The following TBC1D22A variants were observed in gnomAD, a reference collection of about 807,000 sequenced individuals.
TBC1D22A encodes putative GTPase activator.
Under a neutral mutation model 60.2 loss-of-function variants are expected in TBC1D22A, and 38 were observed. That is an observed-to-expected ratio of 0.63 (90% CI 0.49 to 0.83). TBC1D22A has a LOEUF of 0.83. TBC1D22A is among the 40% of genes least tolerant of loss of function. The probability of loss-of-function intolerance (pLI) is 0.00; values close to 1 mark genes in which losing one functional copy is unlikely to be tolerated. For missense variants in TBC1D22A, 628 were observed against 701.0 expected (o/e 0.90, Z 1.18); for synonymous variants, 302 against 281.7 (o/e 1.07, Z -0.72).
At chr22:46,974,606 C>T (rs910846084) in intron 9 of TBC1D22A, among the ~76,000 whole-genome samples, 16 of 152,218 alleles carry the variant, frequency 1.1e-4, no homozygotes, top group East Asian at 3.8e-4. Context: ...GGCACGGTCA[C>T]GTGTCCTGCT....
intron 11 of TBC1D22A, among the ~76,000 whole-genome samples, chr22:47,086,991 C>T (rs181496191): frequency 3.9e-5 from 6 of 152,210 alleles, no homozygotes; most frequent in African/African-American, 7.2e-5. Flanking sequence ...CCTGCCACCC[C>T]GCAACTGGAG....
At chr22:46,930,723 A>G (rs2147888514) in intron 8 of TBC1D22A, among the ~76,000 whole-genome samples, 1 of 151,340 alleles carries the variant, frequency 6.6e-6, no homozygotes, top group Non-Finnish European at 1.5e-5. Context: ...TCGGCCTCCC[A>G]AAGTGCTGGG....
intron 8 of TBC1D22A, among the ~76,000 whole-genome samples, chr22:46,965,297 G>C (rs558811408): frequency 1.3e-5 from 2 of 152,348 alleles, no homozygotes; most frequent in African/African-American, 4.8e-5. Flanking sequence ...TGACCTGTGG[G>C]GGCGGGGTGC....
intron 1 of TBC1D22A, among the ~76,000 whole-genome samples, chr22:46,769,727 G>T (rs2083423481): frequency 6.6e-6 from 1 of 152,178 alleles, no homozygotes; most frequent in South Asian, 2.1e-4. Context: ...CCATGAGAGA[G>T]TGTTGAAGGG....
At chr22:46,854,352 A>G (rs2087455193) in intron 4 of TBC1D22A, among the ~76,000 whole-genome samples, 1 of 152,152 alleles carries the variant, frequency 6.6e-6, no homozygotes. Flanking sequence ...ACACTGCTCC[A>G]CAGTGTCGAC....
chr22:47,131,661 T>C (rs2066682299), intron 12 of TBC1D22A, among the ~76,000 whole-genome samples: 1 of 152,228 alleles, frequency 6.6e-6, no homozygotes, highest in African/African-American at 2.4e-5. Flanking sequence ...AGGCCATTCC[T>C]GCTGACAGTG....
chr22:47,128,698 G>A lies in TBC1D22A; in HGVS notation c.1425+17095G>A, dbSNP rs187935767. ...TACCACTTTCTCTGGGGAAAGAGCA[G>A]CTGGAACCCAAGCCCGGTGGCCCTG... On this transcript the variant is annotated intron_variant, in intron 12 of 12. Coordinates refer to ENST00000337137, the MANE Select transcript of TBC1D22A (RefSeq NM_014346.5). Among the ~76,000 whole-genome samples, 243 of 152,150 alleles carry A rather than the reference G, an allele frequency of 1.6e-3. 1 individual carries two copies. The highest frequency in any genetic ancestry group is 5.3e-3 in the African/African-American group (222 of 41,510).
intron 1 of TBC1D22A, among the ~76,000 whole-genome samples, chr22:46,781,041 T>C (rs2083910830): frequency 6.6e-6 from 1 of 152,136 alleles, no homozygotes; most frequent in Non-Finnish European, 1.5e-5. Flanking sequence ...CTCTTGGGCA[T>C]TTCCCCCTGC....
intron 10 of TBC1D22A, among the ~76,000 whole-genome samples, chr22:47,005,774 A>C (rs1406600857): frequency 6.6e-6 from 1 of 151,330 alleles, no homozygotes; most frequent in Non-Finnish European, 1.5e-5. Context: ...CTACACACAT[A>C]TCCAATATAC....
chr22:46,868,479 A>G (rs558730869), intron 4 of TBC1D22A, among the ~76,000 whole-genome samples: 1 of 152,158 alleles, frequency 6.6e-6, no homozygotes, highest in South Asian at 2.1e-4. Flanking sequence ...CTGGAAAAAA[A>G]CCCAGAATTC....
intron 9 of TBC1D22A, among the ~76,000 whole-genome samples, chr22:46,986,884 C>G (rs2074745449): frequency 6.6e-6 from 1 of 152,164 alleles, no homozygotes. Context: ...ATTTGCGCAC[C>G]ATGATGTCTG....
At chr22:46,854,008 G>A (rs950614895) in intron 4 of TBC1D22A, among the ~76,000 whole-genome samples, 14 of 152,108 alleles carry the variant, frequency 9.2e-5, no homozygotes, top group Non-Finnish European at 1.6e-4. Flanking sequence ...GATTTCCCCC[G>A]CTGTCTCCGA....
At chr22:46,851,090 C>A (rs1017255112) in intron 4 of TBC1D22A, among the ~76,000 whole-genome samples, 1 of 152,102 alleles carries the variant, frequency 6.6e-6, no homozygotes, top group African/African-American at 2.4e-5. Flanking sequence ...CACAGGTCTG[C>A]ATATACTGGA....
At chr22:46,902,845 C>T (rs976610713) in intron 7 of TBC1D22A, among the ~76,000 whole-genome samples, 11 of 152,242 alleles carry the variant, frequency 7.2e-5, no homozygotes, top group Non-Finnish European at 1.5e-4. Flanking sequence ...CTCAGCAGCG[C>T]ACAGTTGAAG....
chr22:46,780,383 C>G (rs893835840), intron 1 of TBC1D22A, among the ~76,000 whole-genome samples: 1 of 152,068 alleles, frequency 6.6e-6, no homozygotes, highest in Non-Finnish European at 1.5e-5. Context: ...TATTTTCTTT[C>G]ACTCTTCCCT....
At chr22:47,004,197 TCATA>T (rs199555608) in intron 10 of TBC1D22A, among the ~76,000 whole-genome samples, 9 of 128,280 alleles carry the variant, frequency 7.0e-5, no homozygotes, top group South Asian at 2.6e-4. Context: ...TATATACTCC[TCATA>T]CATACACACA....
intron 4 of TBC1D22A, among the ~76,000 whole-genome samples, chr22:46,826,229 T>C (rs148766995): frequency 2.0e-5 from 3 of 152,220 alleles, no homozygotes; most frequent in African/African-American, 7.2e-5. Flanking sequence ...TGACTGGATG[T>C]TCTTCTGCAA....
chr22:46,914,150 T>G (rs1317107715), intron 8 of TBC1D22A: 1 of 152,118 alleles, frequency 6.6e-6, no homozygotes, highest in Non-Finnish European at 1.5e-5. Context: ...TATAAAAATG[T>G]TTGGGCCAGG....
chr22:46,912,080 G>C lies in TBC1D22A; in HGVS notation c.907G>C (p.Glu303Gln). ...ILQPKVTEIF[E>Q]RILFIWAIRH... ...CTGTTCCATTTTCTTTCAGATTTTT[G>C]AAAGGATCTTGTTCATATGGGCGAT... is the stretch of plus-strand genomic sequence containing the variant. The change falls in exon 8 of 13, where the codon GAA (glutamate) becomes CAA (glutamine). Residue 303 changes from glutamate to glutamine, a missense_variant. Physicochemically the swap from Glu to Gln is conservative, Grantham distance 29 (BLOSUM62 2). Transcript: ENST00000337137. 1 of 1,609,190 alleles carries C rather than the reference G, an allele frequency of 6.2e-7. No individual in the cohort carries two copies. The highest frequency in any genetic ancestry group is 8.5e-7 in the Non-Finnish European group (1 of 1,178,424).
Sources: allele counts gnomAD v4.1 joint callset (sites outside exome capture counted in the v4.1 genomes callset), GRCh38; gene constraint gnomAD v4.1.1; transcripts MANE v1.5; gene names NCBI Gene and HGNC (gene_info 2026-07-23, HGNC 2026-07-21).